The following PITPNM3 variants were observed in gnomAD, a reference collection of about 807,000 sequenced individuals.
PITPNM3 encodes membrane-associated phosphatidylinositol transfer protein 3.
Under a neutral mutation model 102.0 loss-of-function variants are expected in PITPNM3, and 26 were observed. That is an observed-to-expected ratio of 0.25 (90% CI 0.19 to 0.35). The LOEUF is 0.35. Among genes scored for constraint, PITPNM3 ranks in the 10% least tolerant of loss-of-function variants. PITPNM3 has a pLI of 1.00. For missense variants in PITPNM3, 1,083 were observed against 1,346.1 expected (o/e 0.80, Z 3.06); for synonymous variants, 578 against 558.6 (o/e 1.03, Z -0.49).
At chr17:6,463,488 AG>A (rs1270613307) in intron 17 of PITPNM3, among the ~76,000 whole-genome samples, 1 of 151,596 alleles carries the variant, frequency 6.6e-6, no homozygotes, top group Middle Eastern at 3.4e-3. Flanking sequence ...TGAGGGAGGG[AG>A]GAAGGAAGTG....
At chr17:6,511,846 G>T (rs1016425572) in intron 3 of PITPNM3, among the ~76,000 whole-genome samples, 1 of 152,118 alleles carries the variant, frequency 6.6e-6, no homozygotes, top group African/African-American at 2.4e-5. Context: ...TTAGCCATGG[G>T]GGGCAGGAGA....
intron 4 of PITPNM3, among the ~76,000 whole-genome samples, chr17:6,485,311 A>G (rs140542670): frequency 0.015 from 2,288 of 151,758 alleles, 66 homozygotes; most frequent in African/African-American, 0.053. Context: ...GGTGTGTGCC[A>G]CCACACCTGG....
At chr17:6,507,452 C>T (rs1378662230) in intron 3 of PITPNM3, among the ~76,000 whole-genome samples, 5 of 152,040 alleles carry the variant, frequency 3.3e-5, no homozygotes, top group East Asian at 1.9e-4. Flanking sequence ...GGCGTGGTGG[C>T]GCATGCCTGT....
At position 6,556,348 on chromosome 17, in the gene PITPNM3, C is replaced by G; in HGVS notation, c.22+37G>C. 7.1e-7 allele frequency: 1 copy of G among 1,399,840 alleles called. No homozygotes were observed. Among genetic ancestry groups the G allele is most frequent in the South Asian group, 1.5e-5 (1 of 68,358 alleles). 86.7% of individuals were successfully genotyped at this position (1,399,840 alleles called of 1,614,324 possible). On this transcript the variant is annotated intron_variant, in intron 1 of 19. Transcript: ENST00000262483. The surrounding 1 kb of genome is among the most constrained non-coding windows in gnomAD (Gnocchi z 5.2). ...CCTCTAGACGCGCGAGTCCCTCCCC[C>G]GGGCCCCGGCCCTGCCCTCCCCGCG...
intron 12 of PITPNM3, 23 bp downstream of exon 12, chr17:6,471,138 G>C (rs776422764): frequency 1.2e-6 from 2 of 1,611,120 alleles, no homozygotes; most frequent in East Asian, 4.5e-5. Context: ...ATCCAGGCAG[G>C]GCCCCAAAAG....
chr17:6,527,924 G>A (rs1908925770), intron 2 of PITPNM3, among the ~76,000 whole-genome samples: 1 of 152,224 alleles, frequency 6.6e-6, no homozygotes, highest in Admixed American at 6.5e-5. Context: ...CAGGGCTCTG[G>A]AGGTCTGAGC....
intron 2 of PITPNM3, among the ~76,000 whole-genome samples, chr17:6,530,771 T>C (rs1909100120): frequency 6.6e-6 from 1 of 152,210 alleles, no homozygotes. Context: ...GGCCTGCTTA[T>C]GCATATTCAT....
intron 14 of PITPNM3, among the ~76,000 whole-genome samples, chr17:6,465,715 T>C (rs1461111110): frequency 6.6e-6 from 1 of 152,142 alleles, no homozygotes; most frequent in Non-Finnish European, 1.5e-5. Context: ...TGTGACTGTC[T>C]CAACCTCCCT....
At chr17:6,491,133 A>G in intron 4 of PITPNM3, among the ~76,000 whole-genome samples, 1 of 135,244 alleles carries the variant, frequency 7.4e-6, no homozygotes, top group Non-Finnish European at 1.6e-5. Flanking sequence ...AGGGGAGGGG[A>G]GCAGTGGCTC....
At chr17:6,484,841 G>A (rs1215186800) in intron 4 of PITPNM3, among the ~76,000 whole-genome samples, 1 of 152,222 alleles carries the variant, frequency 6.6e-6, no homozygotes, top group Non-Finnish European at 1.5e-5. Flanking sequence ...CAAGGCAGGT[G>A]GGCACCGTGC....
chr17:6,465,729 T>G (rs1904733399), intron 14 of PITPNM3, among the ~76,000 whole-genome samples: 1 of 152,140 alleles, frequency 6.6e-6, no homozygotes, highest in South Asian at 2.1e-4. Context: ...CCTCCCTATT[T>G]TTCTTCATTT....
chr17:6,484,099 T>C (rs1161982560), intron 5 of PITPNM3, 117 bp downstream of exon 5: 2 of 1,177,310 alleles, frequency 1.7e-6, no homozygotes, highest in Non-Finnish European at 2.5e-6. Context: ...CCACCCAGGG[T>C]CACACAGCAA....
chr17:6,536,809 T>A (rs1016594522), intron 2 of PITPNM3, among the ~76,000 whole-genome samples: 1 of 152,192 alleles, frequency 6.6e-6, no homozygotes, highest in Non-Finnish European at 1.5e-5. Flanking sequence ...GCCAGCTCCG[T>A]CTCAGGAGTA....
chr17:6,456,790 G>C (rs542117403), intron 19 of PITPNM3, among the ~76,000 whole-genome samples: 1 of 152,054 alleles, frequency 6.6e-6, no homozygotes, highest in Non-Finnish European at 1.5e-5. Flanking sequence ...CACCTCCTAC[G>C]TGGTCACCCA....
intron 2 of PITPNM3, among the ~76,000 whole-genome samples, chr17:6,527,058 G>A (rs1023670530): frequency 3.3e-5 from 5 of 152,158 alleles, no homozygotes; most frequent in Admixed American, 3.3e-4. Context: ...TGAGCTTTGT[G>A]CTTTTCCACA....
At chr17:6,473,526 C>T (rs563130671) in intron 10 of PITPNM3, among the ~76,000 whole-genome samples, 24 of 152,158 alleles carry the variant, frequency 1.6e-4, no homozygotes, top group African/African-American at 5.6e-4. Flanking sequence ...AAGCTTTGGC[C>T]AAAAGCATGG....
intron 8 of PITPNM3, among the ~76,000 whole-genome samples, 185 bp from the exon 9 acceptor site, chr17:6,477,398 C>T (rs1905372114): frequency 6.6e-6 from 1 of 152,194 alleles, no homozygotes; most frequent in African/African-American, 2.4e-5. Context: ...AGGCTCTCTC[C>T]CGCATCCACC....
chr17:6,519,002 A>G (rs967167124), intron 3 of PITPNM3, among the ~76,000 whole-genome samples: 80 of 152,100 alleles, frequency 5.3e-4, no homozygotes, highest in Non-Finnish European at 1.0e-3. Context: ...GTTTAAAAGG[A>G]AAAATAAGAA....
chr17:6,521,977 C>T (rs1023698010), intron 3 of PITPNM3, among the ~76,000 whole-genome samples: 2 of 152,316 alleles, frequency 1.3e-5, no homozygotes, highest in Admixed American at 1.3e-4. Context: ...AAACCATTCA[C>T]AGACAGTGAG....
Sources: gnomAD v4.1 joint callset for allele counts (sites outside exome capture counted in the v4.1 genomes callset) on GRCh38, gnomAD v4.1.1 for gene constraint, Gnocchi (gnomAD v3.1) non-coding constraint, MANE v1.5 for transcripts, NCBI Gene and HGNC (gene_info 2026-07-23, HGNC 2026-07-21) for gene names.